Variants in NR2C2 observed in about 807,000 individuals in gnomAD.
The protein encoded by NR2C2 is nuclear receptor subfamily 2 group C member 2.
In NR2C2, 6 loss-of-function variants were observed where a neutral mutation model predicts 62.9. The ratio of observed to expected loss-of-function variants is 0.10; its 90% confidence interval spans 0.05 to 0.19. The LOEUF (loss-of-function observed/expected upper bound fraction) is 0.19. NR2C2 is among the 10% of genes least tolerant of loss of function. The pLI is 1.00. For synonymous variants in NR2C2, 272 were observed against 273.8 expected (o/e 0.99, Z 0.07); for missense variants, 479 against 762.7 (o/e 0.63, Z 4.38).
chr3:14,964,264 T>G (rs914747670), intron 1 of NR2C2, among the ~76,000 whole-genome samples: 1 of 152,218 alleles, frequency 6.6e-6, no homozygotes, highest in African/African-American at 2.4e-5. Context: ...TACATACTTT[T>G]AAGATTAAAG....
intron 2 of NR2C2, among the ~76,000 whole-genome samples, chr3:15,009,690 G>T (rs1204918235): frequency 6.6e-6 from 1 of 152,160 alleles, no homozygotes; most frequent in Non-Finnish European, 1.5e-5. Flanking sequence ...TTTGCCTCTT[G>T]TATTAGTTTC....
chr3:14,994,439 C>CTTTTTTTT (rs4038325), intron 1 of NR2C2, among the ~76,000 whole-genome samples: 20 of 89,584 alleles, frequency 2.2e-4, no homozygotes, highest in African/African-American at 3.7e-4. Context: ...TTTATTCATT[C>CTTTTTTTT]TTTTTTTTTT....
At chr3:15,001,934 T>A (rs1197786597) in intron 1 of NR2C2, among the ~76,000 whole-genome samples, 1 of 152,196 alleles carries the variant, frequency 6.6e-6, no homozygotes, top group Non-Finnish European at 1.5e-5. Flanking sequence ...TGTGTTTTGA[T>A]CTTATATCCT....
At position 15,046,361 on chromosome 3, in the gene NR2C2, G is replaced by T. The variant is rs934077950; in HGVS notation, c.*3353G>T. The T allele has an allele frequency of 2.6e-5, 4 of 152,240 alleles. No individual in the cohort carries two copies. Among genetic ancestry groups the T allele is most frequent in the African/African-American group, 9.6e-5 (4 of 41,464 alleles). 9.4% of individuals were successfully genotyped at this position (152,240 alleles called of 1,614,324 possible). A position where few individuals can be genotyped will look rare whatever the true frequency, so the allele number is the denominator to read the frequency against. On this transcript the variant is annotated 3_prime_UTR_variant, in exon 14 of 14. Transcript: ENST00000425241. ...ATGGTGTTAACAGTGGATGCGTTAG[G>T]CTCCTTAATCTCAAGGCAATATCCA...
intron 1 of NR2C2, among the ~76,000 whole-genome samples, chr3:14,982,071 A>G (rs1333843596): frequency 6.6e-6 from 1 of 152,036 alleles, no homozygotes; most frequent in East Asian, 1.9e-4. Flanking sequence ...CTTCAGTCCA[A>G]TCAGGTTGAC....
chr3:14,964,546 C>T (rs1462639094), intron 1 of NR2C2, among the ~76,000 whole-genome samples: 2 of 151,306 alleles, frequency 1.3e-5, no homozygotes, highest in Non-Finnish European at 2.9e-5. Context: ...GATGGAGTCT[C>T]GCTCTGTGCC....
intron 1 of NR2C2, among the ~76,000 whole-genome samples, chr3:14,981,602 C>CA (rs927608192): frequency 0.071 from 2,629 of 37,284 alleles, 72 homozygotes; most frequent in Non-Finnish European, 0.085. Context: ...GGCTCTGTCT[C>CA]AAAAAAAAAA....
At chr3:15,021,313 C>T (rs1027745843) in intron 5 of NR2C2, among the ~76,000 whole-genome samples, 2 of 152,188 alleles carry the variant, frequency 1.3e-5, no homozygotes, top group Non-Finnish European at 2.9e-5. Flanking sequence ...TACTTAATCA[C>T]CTTACTTATA....
At position 15,044,206 on chromosome 3, in the gene NR2C2, C is replaced by G. The variant is rs758655762; in HGVS notation, c.*1198C>G. ...TAAAGCTGGATGGAAGGTTTCAGGA[C>G]AATTTCTTCCTGTTGACCTTAAATA... On this transcript the variant is annotated 3_prime_UTR_variant, in exon 14 of 14. Transcript: ENST00000425241. The G allele has an allele frequency of 2.6e-5, 4 of 152,158 alleles. No homozygotes were observed. Among genetic ancestry groups the G allele is most frequent in the Non-Finnish European group, 5.9e-5 (4 of 68,036 alleles). 9.4% of individuals were successfully genotyped at this position (152,158 alleles called of 1,614,324 possible). A position where few individuals can be genotyped will look rare whatever the true frequency, so the allele number is the denominator to read the frequency against.
At chr3:14,952,501 A>G (rs576322917) in intron 1 of NR2C2, among the ~76,000 whole-genome samples, 1 of 152,356 alleles carries the variant, frequency 6.6e-6, no homozygotes, top group Admixed American at 6.5e-5. Context: ...TTAGAATCTC[A>G]GAATTGGAAG....
chr3:14,999,101 G>C (rs1193076047), intron 1 of NR2C2, among the ~76,000 whole-genome samples: 1 of 152,186 alleles, frequency 6.6e-6, no homozygotes, highest in Non-Finnish European at 1.5e-5. Context: ...TGGATCACCT[G>C]AGGTCAGGAG....
chr3:14,999,509 T>C (rs1462177666), intron 1 of NR2C2, among the ~76,000 whole-genome samples: 1 of 152,168 alleles, frequency 6.6e-6, no homozygotes, highest in East Asian at 1.9e-4. Context: ...AAAAAAAGTT[T>C]CTAGTTTTAA....
Position 15,034,499 on chromosome 3 carries a change from AC to A in NR2C2, c.1233-170del, listed in dbSNP as rs2042056296. The A allele has an allele frequency of 5.3e-6, 3 of 570,908 alleles. No individual in the cohort carries two copies. The Admixed American group carries it at 1.0e-4, about 19-fold the overall frequency. 35.4% of individuals were successfully genotyped at this position (570,908 alleles called of 1,614,324 possible). A position where few individuals can be genotyped will look rare whatever the true frequency, so the allele number is the denominator to read the frequency against. ...AGGATTTTAGTTAAAACATTCATAG[AC>A]TTATTCATAGACTTCATCCTTTTCT... On this transcript the variant is annotated intron_variant, in intron 10 of 13. Transcript: ENST00000425241.
chr3:15,027,557 ATATCTTCTTT>A (rs2041858846), intron 7 of NR2C2, among the ~76,000 whole-genome samples: 1 of 152,128 alleles, frequency 6.6e-6, no homozygotes, highest in African/African-American at 2.4e-5. Flanking sequence ...GGCTGTTTAT[ATATCTTCTTT>A]GGAGAGAAGT....
At chr3:14,978,604 T>C (rs1192785556) in intron 1 of NR2C2, among the ~76,000 whole-genome samples, 1 of 152,208 alleles carries the variant, frequency 6.6e-6, no homozygotes, top group African/African-American at 2.4e-5. Flanking sequence ...GTTTCCTATC[T>C]GCAGGGTACC....
intron 13 of NR2C2, among the ~76,000 whole-genome samples, chr3:15,040,382 C>T (rs1292810615): frequency 1.3e-5 from 2 of 152,174 alleles, no homozygotes; most frequent in Non-Finnish European, 2.9e-5. Flanking sequence ...ACCATGTCCC[C>T]CTAAAATAAA....
chr3:14,969,430 A>G (rs546825605), intron 1 of NR2C2, among the ~76,000 whole-genome samples: 1 of 152,030 alleles, frequency 6.6e-6, no homozygotes, highest in East Asian at 1.9e-4. Context: ...TTTAGCAGAG[A>G]TGGGGTTTCA....
intron 10 of NR2C2, chr3:15,034,353 G>C: frequency 9.4e-6 from 2 of 213,878 alleles, no homozygotes; most frequent in Non-Finnish European, 1.9e-5. Context: ...CCATCTCTTG[G>C]GACAGTCAGT....
chr3:14,998,161 A>G (rs1397163326), intron 1 of NR2C2, among the ~76,000 whole-genome samples: 1 of 152,180 alleles, frequency 6.6e-6, no homozygotes, highest in Non-Finnish European at 1.5e-5. Flanking sequence ...TTATTTATCC[A>G]TTCATCATTT....
Sources: allele counts gnomAD v4.1 joint callset (sites outside exome capture counted in the v4.1 genomes callset), GRCh38; gene constraint gnomAD v4.1.1; transcripts MANE v1.5; gene names NCBI Gene and HGNC (gene_info 2026-07-23, HGNC 2026-07-21).